Variants in SLC35F5 observed in about 807,000 individuals in gnomAD.
The protein encoded by SLC35F5 is solute carrier family 35 member F5, also known as HCV NS5A-transactivated protein 3.
SLC35F5 carries 54 observed loss-of-function variants against 68.6 expected under a neutral mutation model. The observed-to-expected ratio is 0.79, with a 90% CI of 0.63 to 0.99. SLC35F5 has a LOEUF of 0.99. Among genes scored for constraint, SLC35F5 ranks in the 50% least tolerant of loss-of-function variants. The pLI is 0.00. For missense variants in SLC35F5, 567 were observed against 626.9 expected (o/e 0.90, Z 1.02); for synonymous variants, 211 against 205.2 (o/e 1.03, Z -0.24).
intron 10 of SLC35F5, among the ~76,000 whole-genome samples, chr2:113,730,846 C>T (rs575131345): frequency 9.6e-4 from 146 of 152,242 alleles, no homozygotes; most frequent in Non-Finnish European, 1.7e-3. Flanking sequence ...TGGCAATATT[C>T]GTGGGTGAAG....
intron 3 of SLC35F5, among the ~76,000 whole-genome samples, chr2:113,754,268 C>G (rs1022423128): frequency 7.1e-6 from 1 of 140,342 alleles, no homozygotes; most frequent in South Asian, 2.2e-4. Context: ...CCAGCCTGGG[C>G]GACAGAGCAG....
At chr2:113,705,149 C>T (rs1229956055), downstream of SLC35F5, 1 of 152,164 alleles carries the variant, frequency 6.6e-6, no homozygotes, top group Non-Finnish European at 1.5e-5. Context: ...TAAACTATGA[C>T]ACTTTTGAAA....
intron 7 of SLC35F5, chr2:113,742,437 T>C (rs1452397536): frequency 9.8e-6 from 5 of 508,520 alleles, no homozygotes; most frequent in African/African-American, 5.7e-5. Flanking sequence ...TCCCAACCTG[T>C]GTGTGTTTGT....
chr2:113,748,023 T>C (rs1335176839), intron 4 of SLC35F5, among the ~76,000 whole-genome samples: 2 of 151,874 alleles, frequency 1.3e-5, no homozygotes, highest in African/African-American at 4.8e-5. Context: ...ACCCAGGAGG[T>C]GGAGGTTTCA....
intron 9 of SLC35F5, among the ~76,000 whole-genome samples, chr2:113,732,426 T>TAA (rs146375676): frequency 1.3e-4 from 19 of 149,302 alleles, no homozygotes; most frequent in African/African-American, 2.9e-4. Context: ...TATTGCTAAT[T>TAA]AAAAAAAAAA....
At chr2:113,731,991 G>A (rs1449077908) in intron 9 of SLC35F5, among the ~76,000 whole-genome samples, 2 of 148,786 alleles carry the variant, frequency 1.3e-5, no homozygotes, top group Non-Finnish European at 3.0e-5. Context: ...TTTTACTCCA[G>A]AGTCCAGTGC....
At chr2:113,755,667 T>C in intron 1 of SLC35F5, 123 bp from the exon 2 acceptor site, 8 of 1,084,888 alleles carry the variant, frequency 7.4e-6, no homozygotes, top group Non-Finnish European at 1.1e-5. Context: ...CAAAATGTGT[T>C]AAACATACTT....
rs1463516107 is a variant in SLC35F5, at chr2:113,708,119, C to T, written c.*7099G>A. ...CAGTGCTCATCCTGTGGGCACCCCACAGTCAGCAGTTTAAGACCATTCTGG... is the reference window on the plus strand; with the variant it reads ...CAGTGCTCATCCTGTGGGCACCCCATAGTCAGCAGTTTAAGACCATTCTGG... On this transcript the variant is annotated 3_prime_UTR_variant, in exon 16 of 16. Transcript: ENST00000245680. Among the ~76,000 whole-genome samples, 1 of 152,196 alleles carries T rather than the reference C, an allele frequency of 6.6e-6. No individual in the cohort carries two copies. The highest frequency in any genetic ancestry group is 1.5e-5 in the Non-Finnish European group (1 of 68,038).
intron 11 of SLC35F5, among the ~76,000 whole-genome samples, chr2:113,728,635 A>G (rs1687758883): frequency 1.3e-5 from 2 of 152,178 alleles, no homozygotes; most frequent in South Asian, 4.1e-4. Context: ...CAATTTCCTC[A>G]TATTTCAGAT....
At position 113,754,034 on chromosome 2, in the gene SLC35F5, G is replaced by A. The variant is rs545927647; in HGVS notation, c.273+1131C>T. ...TGGCCAGGTGAGGTGGCTCACGTCT[G>A]TAATCCCAGCACTTTGGGAGGCCGA... On this transcript the variant is annotated intron_variant, in intron 3 of 15. Transcript: ENST00000245680. Among the ~76,000 whole-genome samples, 9 of 152,214 alleles carry A rather than the reference G, an allele frequency of 5.9e-5. No individual in the cohort carries two copies. The South Asian group carries it at 1.9e-3, about 32-fold the overall frequency.
At position 113,756,414 on chromosome 2, in the gene SLC35F5, G is replaced by A; in HGVS notation, c.-5C>T. ...ATGGCGTCGTGGCGGCACCATGAGC[G>A]GACCGGTCAGGCCCCGCAGCCGCCC... On this transcript the variant is annotated 5_prime_UTR_variant, in exon 1 of 16. Coordinates refer to ENST00000245680, the MANE Select transcript of SLC35F5 (RefSeq NM_025181.5). 1 of 1,552,364 alleles carries A rather than the reference G, an allele frequency of 6.4e-7. No homozygotes were observed. The highest frequency in any genetic ancestry group is 1.2e-5 in the South Asian group (1 of 84,532).
Position 113,709,051 on chromosome 2 carries a change from G to C in SLC35F5, c.*6167C>G, listed in dbSNP as rs1044437147. Among the ~76,000 whole-genome samples the C allele has an allele frequency of 1.3e-5, 2 of 152,242 alleles. No homozygotes were observed. The highest frequency in any genetic ancestry group is 3.9e-4 in the East Asian group (2 of 5,192). On this transcript the variant is annotated 3_prime_UTR_variant, in exon 16 of 16. Transcript: ENST00000245680. ...CTGAAAACCTTATTTAAGGAGTCAA[G>C]ATGCTGAACACCCTAACAAAAGCAA...
At position 113,713,161 on chromosome 2, in the gene SLC35F5, A is replaced by C. The variant is rs1687051783; in HGVS notation, c.*2057T>G. The stretch of plus-strand genomic sequence containing the variant: ...TGGGCAAGCAAAGCGGCAGTGATTC[A>C]TACTTTCAGTTAACCAATTGAACAG... On this transcript the variant is annotated 3_prime_UTR_variant, in exon 16 of 16. Transcript: ENST00000245680. The C allele has an allele frequency of 6.6e-6, 1 of 152,230 alleles. No individual in the cohort carries two copies. Among genetic ancestry groups the C allele is most frequent in the Admixed American group, 6.5e-5 (1 of 15,284 alleles). The allele number at this position is 152,230 out of a possible 1,614,324, so 9.4% of individuals were successfully genotyped here.
chr2:113,717,285 T>C lies in SLC35F5; in HGVS notation c.*22+468A>G, dbSNP rs572965511. On this transcript the variant is annotated intron_variant, in intron 15 of 15. Transcript: ENST00000245680. ...ATGAGGATAAACACTGTGCCAGTTATGTAAAACAGACACATAAAGACTAGT... is the reference window on the plus strand; with the variant it reads ...ATGAGGATAAACACTGTGCCAGTTACGTAAAACAGACACATAAAGACTAGT... 2.6e-4 allele frequency among the ~76,000 whole-genome samples: 40 copies of C among 152,292 alleles called. 2 individuals carry two copies. The South Asian group carries it at 7.5e-3, about 28-fold the overall frequency.
In SLC35F5 at chr2:113,712,704, A is replaced by T. The variant is rs1687032920; in HGVS notation, c.*2514T>A. The T allele has an allele frequency of 6.6e-6, 1 of 152,254 alleles. No homozygotes were observed. The highest frequency in any genetic ancestry group is 2.1e-4 in the South Asian group (1 of 4,832). The allele number at this position is 152,254 out of a possible 1,614,324, so 9.4% of individuals were successfully genotyped here. On this transcript the variant is annotated 3_prime_UTR_variant, in exon 16 of 16. Coordinates refer to ENST00000245680, the MANE Select transcript of SLC35F5 (RefSeq NM_025181.5). ...CACCTAACAAAGTCCCTGACAAAAC[A>T]GACTTCCTTCAATCCAGGTCATAAT...
chr2:113,710,192 T>G lies in SLC35F5; in HGVS notation c.*5026A>C, dbSNP rs1170532895. On this transcript the variant is annotated 3_prime_UTR_variant, in exon 16 of 16. Transcript: ENST00000245680. ...CTGAAAGCCACTGCTCTCCAGCATGTGGTCTCTGAAACTTTACTTAGGAGT... is the reference window on the plus strand; with the variant it reads ...CTGAAAGCCACTGCTCTCCAGCATGGGGTCTCTGAAACTTTACTTAGGAGT... Among the ~76,000 whole-genome samples, 1 of 152,178 alleles carries G rather than the reference T, an allele frequency of 6.6e-6. No homozygotes were observed. The highest frequency in any genetic ancestry group is 1.5e-5 in the Non-Finnish European group (1 of 68,030).
In SLC35F5 at chr2:113,723,121, C is replaced by A; in HGVS notation, c.1324G>T (p.Asp442Tyr). The part of the protein sequence containing the change: ...SLTIPLSIIA[D>Y]MCMQKVQFSW... ...TTCCTTACCTTTTGCATACACATGT[C>A]AGCTATTATGGACAGAGGTATTGTA... The change falls in exon 13 of 16, where the codon GAC becomes TAC. Residue 442 changes from aspartate to tyrosine, a missense_variant. Physicochemically the swap from Asp to Tyr is radical, Grantham distance 160. Coordinates refer to ENST00000245680, the MANE Select transcript of SLC35F5 (RefSeq NM_025181.5). 6.4e-7 allele frequency: 1 copy of A among 1,562,696 alleles called. No homozygotes were observed.
intron 3 of SLC35F5, among the ~76,000 whole-genome samples, chr2:113,752,449 G>A (rs756939968): frequency 1.3e-5 from 2 of 152,116 alleles, no homozygotes; most frequent in Non-Finnish European, 2.9e-5. Flanking sequence ...CATTATGTAT[G>A]TCATGCTGGA....
chr2:113,716,378 A>C (rs1410705764), intron 15 of SLC35F5, among the ~76,000 whole-genome samples: 1 of 152,234 alleles, frequency 6.6e-6, no homozygotes, highest in Admixed American at 6.5e-5. Flanking sequence ...TCTCTGGATA[A>C]GGGAAATACC....
Sources: gnomAD v4.1 joint callset for allele counts (sites outside exome capture counted in the v4.1 genomes callset) on GRCh38, gnomAD v4.1.1 for gene constraint, MANE v1.5 for transcripts, NCBI Gene and HGNC (gene_info 2026-07-23, HGNC 2026-07-21) for gene names.